The following TREH variants were observed in gnomAD, a reference collection of about 807,000 sequenced individuals.
The protein encoded by TREH is trehalase, also known as alpha,alpha-trehalose glucohydrolase.
In TREH, 69 loss-of-function variants were observed where a neutral mutation model predicts 80.5. The ratio of observed to expected loss-of-function variants is 0.86; its 90% confidence interval spans 0.71 to 1.05. TREH has a LOEUF of 1.05. Among genes scored for constraint, TREH ranks in the 50% least tolerant of loss-of-function variants. The pLI, the probability that TREH is intolerant of heterozygous loss-of-function variation, is 0.00. For synonymous variants in TREH, 309 were observed against 293.5 expected (o/e 1.05, Z -0.54); for missense variants, 716 against 718.8 (o/e 1.00, Z 0.04).
intron 1 of TREH, among the ~76,000 whole-genome samples, chr11:118,676,033 T>G (rs1259549777): frequency 6.6e-6 from 1 of 152,240 alleles, no homozygotes; most frequent in Non-Finnish European, 1.5e-5. Flanking sequence ...TCCAGAGTTT[T>G]TATTGGGGTT....
At position 118,659,414 on chromosome 11, in the gene TREH, TC is replaced by T; in HGVS notation, c.1387del (p.Asp463IlefsTer82). 1 of 1,606,146 alleles carries T rather than the reference TC, an allele frequency of 6.2e-7. No individual in the cohort carries two copies. Among genetic ancestry groups the T allele is most frequent in the Non-Finnish European group, 8.5e-7 (1 of 1,176,014 alleles). On this transcript the variant is annotated frameshift_variant, in exon 12 of 15. Transcript: ENST00000264029. LOFTEE classifies it high-confidence loss of function. The stretch of plus-strand genomic sequence containing the variant: ...CAGGGGGGCCCAGGCATTGGGGAAA[TC>T]CCACTGCTGGCCTGTCTTCTGGAGA... ...TSLQKTGQQW[D>X]FPNAWAPLQD...
At chr11:118,669,613 T>C (rs1233614281) in intron 1 of TREH, among the ~76,000 whole-genome samples, 2 of 152,228 alleles carry the variant, frequency 1.3e-5, no homozygotes, top group African/African-American at 4.8e-5. Flanking sequence ...AAACTTCATA[T>C]GTTCTCACTT....
intron 12 of TREH, 123 bp downstream of exon 12, chr11:118,659,247 C>T (rs1949274617): frequency 1.1e-6 from 1 of 898,868 alleles, no homozygotes; most frequent in African/African-American, 1.7e-5. Context: ...GCCAGGAGAG[C>T]AGAGGAGCGA....
Position 118,662,820 on chromosome 11 carries a change from A to T in TREH, c.423+61T>A, listed in dbSNP as rs186432755. 421 of 1,532,884 alleles carry T rather than the reference A, an allele frequency of 2.7e-4. No individual in the cohort carries two copies. The African/African-American group carries it at 4.7e-3, about 17-fold the overall frequency. 95.0% of individuals were successfully genotyped at this position (1,532,884 alleles called of 1,614,324 possible). On this transcript the variant is annotated intron_variant, in intron 4 of 14. Coordinates refer to ENST00000264029, the MANE Select transcript of TREH (RefSeq NM_007180.3). ...GTGCTCCGAAGACACTGTGGGCCCC[A>T]GGCACATTCCTCTCTTCAGTTCCCT...
Position 118,658,378 on chromosome 11 carries a change from T to G in TREH, c.1663A>C (p.Thr555Pro). Residue 555 changes from threonine to proline, a missense_variant, in exon 15 of 15, where the codon ACC (threonine) becomes CCC (proline). Physicochemically the swap from Thr to Pro is conservative, Grantham distance 38. Coordinates refer to ENST00000264029, the MANE Select transcript of TREH (RefSeq NM_007180.3). ...AGGAAAGCCAGCTTGGCCCCTGAGG[T>G]CAGCCGGTCACCATAGCGGTCCAGC... ...MLLDRYGDRL[T>P]SGAKLAFLEP... The G allele has an allele frequency of 6.2e-7, 1 of 1,608,834 alleles. No homozygotes were observed. Among genetic ancestry groups the G allele is most frequent in the African/African-American group, 1.3e-5 (1 of 74,884 alleles).
rs781859851 is a variant in TREH at position 118,679,620 on chromosome 11, C to G, written c.8G>C (p.Gly3Ala). The change falls in exon 1 of 15, where the codon GGG becomes GCG. Residue 3 changes from glycine (G) to alanine (A), a missense_variant. By Grantham distance (60) the Gly-to-Ala change is moderately conservative. Coordinates refer to ENST00000264029, the MANE Select transcript of TREH (RefSeq NM_007180.3). MPGRTWELCLLLL... is the reference protein window; with the variant it reads MPARTWELCLLLL... ...TAGCAGGCACAGCTCCCAGGTCCTC[C>G]CTGGCATGGTGGCTGTGACTGTGAC... is the stretch of plus-strand genomic sequence containing the variant. 1.3e-6 allele frequency: 2 copies of G among 1,526,944 alleles called. No homozygotes were observed. The highest frequency in any genetic ancestry group is 1.8e-6 in the Non-Finnish European group (2 of 1,133,158). The allele number at this position is 1,526,944 out of a possible 1,614,324, so 94.6% of individuals were successfully genotyped here. A position where few individuals can be genotyped will look rare whatever the true frequency, so the allele number is the denominator to read the frequency against.
chr11:118,661,338 A>T lies in TREH; in HGVS notation c.734+55T>A. 6.2e-7 allele frequency: 1 copy of T among 1,613,886 alleles called. No individual in the cohort carries two copies. The highest frequency in any genetic ancestry group is 8.5e-7 in the Non-Finnish European group (1 of 1,179,802). Reference sequence around the variant, plus strand: ...GGCGTGCTGCCCATCCCCAGCCCTGAGAGGTCTGAGGGATGGGTGGGTCTG... The same window carrying T: ...GGCGTGCTGCCCATCCCCAGCCCTGTGAGGTCTGAGGGATGGGTGGGTCTG... On this transcript the variant is annotated intron_variant, in intron 7 of 14. Transcript: ENST00000264029. This position sits in a 1 kb window ranked among gnomAD's most constrained non-coding sequence, Gnocchi z 4.2.
intron 1 of TREH, among the ~76,000 whole-genome samples, chr11:118,672,943 C>G (rs1399582558): frequency 1.3e-5 from 2 of 152,032 alleles, no homozygotes; most frequent in Non-Finnish European, 2.9e-5. Context: ...ATAGTCATAC[C>G]ACATTGGAAG....
At chr11:118,678,767 C>T (rs1449146993) in intron 1 of TREH, among the ~76,000 whole-genome samples, 1 of 151,482 alleles carries the variant, frequency 6.6e-6, no homozygotes, top group East Asian at 1.9e-4. Context: ...TCGCCTGAGT[C>T]CAGGAGACAG....
intron 1 of TREH, among the ~76,000 whole-genome samples, chr11:118,673,064 A>T (rs1415516328): frequency 6.6e-6 from 1 of 152,184 alleles, no homozygotes; most frequent in East Asian, 1.9e-4. Flanking sequence ...GTGTGAGCAC[A>T]TACTTGTGAA....
rs1555144930 is a variant in TREH at position 118,661,389 on chromosome 11, C to A, written c.734+4G>T. 1 of 1,613,898 alleles carries A rather than the reference C, an allele frequency of 6.2e-7. No individual in the cohort carries two copies. The highest frequency in any genetic ancestry group is 1.7e-5 in the Admixed American group (1 of 60,010). ...CAGAGCAGCACAGGGAGGGTGGTAC[C>A]CACTGTAGAAAGGCGGTGTCATTGG... On this transcript the variant is annotated splice_donor_region_variant and intron_variant, in intron 7 of 14. Transcript: ENST00000264029. The surrounding 1 kb of genome is among the most constrained non-coding windows in gnomAD (Gnocchi z 4.2).
At chr11:118,666,048 C>T (rs1300660036) in intron 1 of TREH, among the ~76,000 whole-genome samples, 4 of 152,096 alleles carry the variant, frequency 2.6e-5, no homozygotes, top group Non-Finnish European at 4.4e-5. Context: ...CCATCCTGGC[C>T]AACATGGCAA....
At chr11:118,668,490 GC>G (rs58694873) in intron 1 of TREH, among the ~76,000 whole-genome samples, 146,347 of 146,354 alleles carry the variant, frequency 1, 73,170 homozygotes, top group Middle Eastern at 1. Flanking sequence ...TTGAGCCCAG[GC>G]AGGCAGAGGT....
intron 4 of TREH, among the ~76,000 whole-genome samples, chr11:118,662,289 C>G (rs1180384068): frequency 3.1e-4 from 36 of 117,410 alleles, no homozygotes; most frequent in Non-Finnish European, 4.6e-4. Flanking sequence ...TACGAAGACC[C>G]AGGGTGGGCT....
intron 1 of TREH, among the ~76,000 whole-genome samples, chr11:118,676,785 G>GGAAAA (rs1392837693): frequency 6.9e-6 from 1 of 145,296 alleles, no homozygotes; most frequent in African/African-American, 2.6e-5. Flanking sequence ...AAAAAAGAAA[G>GGAAAA]AAAAAAACAA....
At position 118,658,039 on chromosome 11, in the gene TREH, G is replaced by A. The variant is rs1591823922; in HGVS notation, c.*250C>T. On this transcript the variant is annotated 3_prime_UTR_variant, in exon 15 of 15. Transcript: ENST00000264029. ...CTTTGGACTACGGAAGTGAGTGGAA[G>A]GCCGGTGTGGGGCTTGGCGCTGAGG... 3 of 542,190 alleles carry A rather than the reference G, an allele frequency of 5.5e-6. No individual in the cohort carries two copies. The East Asian group carries it at 8.7e-5, about 16-fold the overall frequency. The allele number at this position is 542,190 out of a possible 1,614,324, so 33.6% of individuals were successfully genotyped here. A position where few individuals can be genotyped will look rare whatever the true frequency, so the allele number is the denominator to read the frequency against.
Position 118,659,002 on chromosome 11 carries a change from G to A in TREH, c.1448C>T (p.Pro483Leu), listed in dbSNP as rs781951391. Reference protein sequence around the residue: ...DLVIRGLAKAPLRRAQEVAFQ... With the variant: ...DLVIRGLAKALLRRAQEVAFQ... ...AGCCACTTCCTGGGCCCGACGTAAA[G>A]GTGCCTTGGCCAGGCCTAGACCCCA... The change falls in exon 13 of 15, where the codon CCT (proline) becomes CTT (leucine). Residue 483 changes from proline to leucine, a missense_variant. Coordinates refer to ENST00000264029, the MANE Select transcript of TREH (RefSeq NM_007180.3). 4.3e-6 allele frequency: 7 copies of A among 1,613,666 alleles called. No homozygotes were observed. The African/African-American group carries it at 9.3e-5, about 22-fold the overall frequency.
At position 118,660,163 on chromosome 11, in the gene TREH, G is replaced by A. The variant is rs7935904; in HGVS notation, c.1103-199C>T. The stretch of plus-strand genomic sequence containing the variant: ...CCGCACTGCTCCCAGGGAACCACTG[G>A]AGCTGATCTGTCCCCAGGGTCTCCA... On this transcript the variant is annotated intron_variant, in intron 10 of 14. Transcript: ENST00000264029. 1.0e-2 allele frequency among the ~76,000 whole-genome samples: 1,518 copies of A among 152,350 alleles called. 19 individuals carry two copies. Among genetic ancestry groups the A allele is most frequent in the African/African-American group, 0.034 (1,431 of 41,586 alleles).
intron 1 of TREH, among the ~76,000 whole-genome samples, chr11:118,677,731 G>GA (rs1173343705): frequency 1.3e-5 from 2 of 151,666 alleles, no homozygotes; most frequent in Non-Finnish European, 2.9e-5. Context: ...CTCAAAAAAA[G>GA]AAAAAAAATG....
Sources: allele counts gnomAD v4.1 joint callset (sites outside exome capture counted in the v4.1 genomes callset), GRCh38; gene constraint gnomAD v4.1.1; non-coding constraint Gnocchi (gnomAD v3.1); transcripts MANE v1.5; gene names NCBI Gene and HGNC (gene_info 2026-07-23, HGNC 2026-07-21).